LRRTM4: variants seen among roughly 807,000 people sequenced by gnomAD.
LRRTM4 encodes the protein leucine rich repeat transmembrane neuronal 4.
Under a neutral mutation model 47.6 loss-of-function variants are expected in LRRTM4, and 25 were observed. The observed-to-expected ratio is 0.53, with a 90% CI of 0.38 to 0.73. LRRTM4 has a LOEUF of 0.73. LRRTM4 is among the 30% of genes least tolerant of loss of function. The pLI is 0.00. For synonymous variants in LRRTM4, 311 were observed against 269.5 expected (o/e 1.15, Z -1.51); for missense variants, 638 against 713.4 (o/e 0.89, Z 1.20).
chr2:77,473,599 T>C (rs1677272500), intron 3 of LRRTM4, among the ~76,000 whole-genome samples: 1 of 152,166 alleles, frequency 6.6e-6, no homozygotes, highest in Admixed American at 6.6e-5. Flanking sequence ...GAACACCTTC[T>C]ACTCACAGAC....
chr2:77,457,038 AT>A (rs1676585848), intron 3 of LRRTM4, among the ~76,000 whole-genome samples: 1 of 25,086 alleles, frequency 4.0e-5, no homozygotes, highest in Admixed American at 4.1e-4. Flanking sequence ...ATATATATAT[AT>A]ATATATATAT....
chr2:77,399,518 A>C (rs1397050243), intron 3 of LRRTM4, among the ~76,000 whole-genome samples: 1 of 151,854 alleles, frequency 6.6e-6, no homozygotes, highest in East Asian at 1.9e-4. Flanking sequence ...TTCCAGTTAC[A>C]CAGGAGGAAT....
At chr2:77,183,823 A>G (rs1037375828) in intron 3 of LRRTM4, among the ~76,000 whole-genome samples, 5 of 152,134 alleles carry the variant, frequency 3.3e-5, no homozygotes, top group African/African-American at 4.8e-5. Flanking sequence ...TCAGCAACCT[A>G]TTGCAAGGAC....
intron 3 of LRRTM4, among the ~76,000 whole-genome samples, chr2:77,217,141 T>C (rs1408355526): frequency 6.6e-6 from 1 of 151,182 alleles, no homozygotes; most frequent in Non-Finnish European, 1.5e-5. Context: ...TTAGAACTGG[T>C]ACCCAGGCAC....
chr2:77,015,446 C>T (rs920397435), intron 3 of LRRTM4, among the ~76,000 whole-genome samples: 2 of 152,062 alleles, frequency 1.3e-5, no homozygotes, highest in Non-Finnish European at 2.9e-5. Context: ...AGCAATTCTC[C>T]TGCCTCAGCC....
intron 3 of LRRTM4, among the ~76,000 whole-genome samples, chr2:77,049,698 TATG>T (rs377662726): frequency 3.4e-4 from 52 of 152,170 alleles, no homozygotes; most frequent in African/African-American, 1.2e-3. Flanking sequence ...TAACCACTTG[TATG>T]ATGAATAGTA....
intron 3 of LRRTM4, among the ~76,000 whole-genome samples, chr2:77,072,245 A>G (rs1340506258): frequency 1.3e-5 from 2 of 152,164 alleles, no homozygotes; most frequent in Non-Finnish European, 2.9e-5. Context: ...TCAACTAATT[A>G]CAGTTCTGAC....
At chr2:77,409,091 G>A (rs1311571956) in intron 3 of LRRTM4, among the ~76,000 whole-genome samples, 2 of 152,034 alleles carry the variant, frequency 1.3e-5, no homozygotes, top group East Asian at 1.9e-4. Context: ...TTTTCATCAC[G>A]ATAGTTAATG....
chr2:77,157,555 C>T (rs1176784), intron 3 of LRRTM4, among the ~76,000 whole-genome samples: 134,740 of 152,110 alleles, frequency 0.89, 60,053 homozygotes, highest in East Asian at 1. Flanking sequence ...TTTTCTTAAA[C>T]GTATGAGTAT....
chr2:76,798,227 G>C (rs529304064), intron 3 of LRRTM4, among the ~76,000 whole-genome samples: 41 of 152,124 alleles, frequency 2.7e-4, no homozygotes, highest in African/African-American at 9.4e-4. Flanking sequence ...AAATGTAAAA[G>C]AGCAGAGATT....
At position 76,869,485 on chromosome 2, in the gene LRRTM4, G is replaced by A. The variant is rs188710419; in HGVS notation, c.1552-120569C>T. On this transcript the variant is annotated intron_variant, in intron 3 of 3. Transcript: ENST00000409884. ...GACTGGCAAAGCTAAGAAGTCTTAT[G>A]GGACATTGTTTGGCTTATTCTGAGG... is the stretch of plus-strand genomic sequence containing the variant. Among the ~76,000 whole-genome samples, 31 of 152,172 alleles carry A rather than the reference G, an allele frequency of 2.0e-4. No homozygotes were observed. In the East Asian group the frequency reaches 4.4e-3, roughly 22 times the overall value.
chr2:77,085,412 T>C (rs1680678455), intron 3 of LRRTM4, among the ~76,000 whole-genome samples: 1 of 151,624 alleles, frequency 6.6e-6, no homozygotes, highest in African/African-American at 2.4e-5. Flanking sequence ...AAGGATGTTA[T>C]TTGTATACTT....
chr2:76,793,673 G>T (rs529751403), intron 3 of LRRTM4, among the ~76,000 whole-genome samples: 1 of 152,246 alleles, frequency 6.6e-6, no homozygotes, highest in African/African-American at 2.4e-5. Context: ...TAGATGAAGA[G>T]TCAGTGATTC....
chr2:77,460,322 T>A (rs563877213), intron 3 of LRRTM4, among the ~76,000 whole-genome samples: 1 of 152,276 alleles, frequency 6.6e-6, no homozygotes, highest in South Asian at 2.1e-4. Context: ...GGAGTCTAGC[T>A]ACCAGACTAA....
chr2:76,824,058 T>C (rs1671126408), intron 3 of LRRTM4, among the ~76,000 whole-genome samples: 1 of 151,204 alleles, frequency 6.6e-6, no homozygotes, highest in Non-Finnish European at 1.5e-5. Flanking sequence ...ATCTGATTCT[T>C]ATCTTTCATT....
intron 3 of LRRTM4, among the ~76,000 whole-genome samples, chr2:77,066,324 C>CA (rs1303805446): frequency 4.0e-5 from 6 of 151,680 alleles, no homozygotes; most frequent in African/African-American, 9.7e-5. Flanking sequence ...GTGGATAAAA[C>CA]AAAAAAAGGG....
intron 3 of LRRTM4, among the ~76,000 whole-genome samples, chr2:77,178,389 C>A (rs1673256647): frequency 1.3e-5 from 2 of 152,090 alleles, no homozygotes; most frequent in Admixed American, 6.6e-5. Flanking sequence ...AGTTCGAGAC[C>A]AGCCTGGCCA....
Position 76,790,246 on chromosome 2 carries a change from G to T in LRRTM4, c.1552-41330C>A, listed in dbSNP as rs542235607. On this transcript the variant is annotated intron_variant, in intron 3 of 3. Coordinates refer to ENST00000409884, the MANE Select transcript of LRRTM4 (RefSeq NM_001134745.3). The stretch of plus-strand genomic sequence containing the variant: ...TCAAACTAATAATGAGACAGTCATT[G>T]GTTCTGCTTTGTCAGTACGGTGGTA... Among the ~76,000 whole-genome samples, 176 of 152,108 alleles carry T rather than the reference G, an allele frequency of 1.2e-3. 3 individuals carry two copies. In the South Asian group the frequency reaches 0.017, roughly 15 times the overall value.
At chr2:77,401,688 CCTT>C (rs1368058426) in intron 3 of LRRTM4, among the ~76,000 whole-genome samples, 2 of 151,830 alleles carry the variant, frequency 1.3e-5, no homozygotes, top group Non-Finnish European at 2.9e-5. Flanking sequence ...TAATAATTTG[CCTT>C]CTTCTATTTT....
Sources: gnomAD v4.1 joint callset for allele counts (sites outside exome capture counted in the v4.1 genomes callset) on GRCh38, gnomAD v4.1.1 for gene constraint, MANE v1.5 for transcripts, NCBI Gene and HGNC (gene_info 2026-07-23, HGNC 2026-07-21) for gene names.